LDLRAD3: variants seen among roughly 807,000 people sequenced by gnomAD.
LDLRAD3 encodes the protein low density lipoprotein receptor class A domain containing 3.
Under a neutral mutation model 29.4 loss-of-function variants are expected in LDLRAD3, and 20 were observed. The ratio of observed to expected loss-of-function variants is 0.68; its 90% CI spans 0.48 to 0.99. LDLRAD3 has a LOEUF of 0.99. LDLRAD3 is among the 50% of genes least tolerant of loss of function. The pLI is 0.00. For synonymous variants in LDLRAD3, 157 were observed against 192.7 expected, an observed-to-expected ratio of 0.81 and a Z score of 1.53; for missense variants, 420 against 454.3, an observed-to-expected ratio of 0.92 and a Z score of 0.69.
chr11:35,958,992 G>T (rs1198336564), intron 1 of LDLRAD3, among the ~76,000 whole-genome samples: 3 of 152,142 alleles, frequency 2.0e-5, no homozygotes, highest in Non-Finnish European at 4.4e-5. Flanking sequence ...AGCAGCATTG[G>T]GCCTCCAGGC....
chr11:36,092,816 T>G (rs1057301434), intron 3 of LDLRAD3, among the ~76,000 whole-genome samples: 1 of 152,218 alleles, frequency 6.6e-6, no homozygotes, highest in Non-Finnish European at 1.5e-5. Flanking sequence ...GCCTTTTCCT[T>G]GAGGAAGCTC....
chr11:35,984,562 T>C (rs904743539), intron 1 of LDLRAD3, among the ~76,000 whole-genome samples: 6 of 152,226 alleles, frequency 3.9e-5, no homozygotes, highest in Non-Finnish European at 7.3e-5. Context: ...TTTGGTTCTG[T>C]GTCCCTTCAC....
chr11:36,091,873 A>C (rs928664427), intron 3 of LDLRAD3, among the ~76,000 whole-genome samples: 2 of 152,206 alleles, frequency 1.3e-5, no homozygotes, highest in African/African-American at 2.4e-5. Context: ...TACTATTTCC[A>C]GGGTCCTGGA....
chr11:36,048,982 G>A (rs1377234343), intron 2 of LDLRAD3, among the ~76,000 whole-genome samples: 1 of 152,130 alleles, frequency 6.6e-6, no homozygotes, highest in Admixed American at 6.6e-5. Flanking sequence ...AGCACTGTGT[G>A]CTGCCTTTTC....
At chr11:35,991,171 A>C (rs1430720706) in intron 1 of LDLRAD3, among the ~76,000 whole-genome samples, 13 of 152,222 alleles carry the variant, frequency 8.5e-5, no homozygotes, top group Admixed American at 7.2e-4. Flanking sequence ...GTTGCGTATA[A>C]GAGCCCCCAT....
chr11:36,113,080 A>T (rs754308687), intron 4 of LDLRAD3, among the ~76,000 whole-genome samples: 12 of 152,202 alleles, frequency 7.9e-5, no homozygotes, highest in Non-Finnish European at 4.4e-5. Flanking sequence ...AGATATGTGC[A>T]CATCTTTTGA....
intron 3 of LDLRAD3, among the ~76,000 whole-genome samples, 188 bp downstream of exon 3, chr11:36,081,966 G>T (rs958896245): frequency 1.3e-5 from 2 of 152,176 alleles, no homozygotes; most frequent in African/African-American, 4.8e-5. Flanking sequence ...TTTATCAGGG[G>T]CTCTACCAAG....
At chr11:36,155,680 C>A (rs1399307928) in intron 4 of LDLRAD3, among the ~76,000 whole-genome samples, 6 of 152,202 alleles carry the variant, frequency 3.9e-5, no homozygotes, top group Non-Finnish European at 8.8e-5. Context: ...AGCACTTAGC[C>A]TAGTTCAAGA....
chr11:35,957,291 A>G (rs925430601), intron 1 of LDLRAD3, among the ~76,000 whole-genome samples: 6 of 152,226 alleles, frequency 3.9e-5, no homozygotes, highest in Non-Finnish European at 8.8e-5. Flanking sequence ...ACACTAATCT[A>G]CGAGTACAAG....
intron 4 of LDLRAD3, chr11:36,196,488 A>G (rs1173115256): frequency 6.6e-6 from 1 of 152,242 alleles, no homozygotes; most frequent in African/African-American, 2.4e-5. Flanking sequence ...CTAACATTAC[A>G]TACGCTAATC....
intron 2 of LDLRAD3, among the ~76,000 whole-genome samples, chr11:36,075,824 T>C (rs1391356447): frequency 3.9e-5 from 6 of 152,244 alleles, no homozygotes; most frequent in Non-Finnish European, 8.8e-5. Context: ...TATTTTATTC[T>C]CTGTGTCATA....
intron 4 of LDLRAD3, among the ~76,000 whole-genome samples, chr11:36,226,104 T>A (rs1408433886): frequency 6.8e-6 from 1 of 147,566 alleles, no homozygotes; most frequent in Non-Finnish European, 1.5e-5. Flanking sequence ...TAATGAATCA[T>A]GTACTTGTAT....
chr11:35,967,253 G>T, intron 1 of LDLRAD3: 2 of 203,700 alleles, frequency 9.8e-6, no homozygotes, highest in African/African-American at 2.3e-5. Context: ...GGAGGGCCAG[G>T]GCCAATTTCT....
intron 4 of LDLRAD3, among the ~76,000 whole-genome samples, chr11:36,175,419 C>T (rs763632533): frequency 3.3e-5 from 5 of 152,038 alleles, no homozygotes; most frequent in Non-Finnish European, 7.4e-5. Flanking sequence ...TATTTGTGCT[C>T]TTTCAGACTT....
chr11:36,064,337 T>G (rs1404998746), intron 2 of LDLRAD3, among the ~76,000 whole-genome samples: 1 of 152,180 alleles, frequency 6.6e-6, no homozygotes, highest in Non-Finnish European at 1.5e-5. Flanking sequence ...GATCTCACTC[T>G]GTTGCCCAGG....
At chr11:36,048,628 C>T (rs576336120) in intron 2 of LDLRAD3, among the ~76,000 whole-genome samples, 21 of 152,302 alleles carry the variant, frequency 1.4e-4, no homozygotes, top group African/African-American at 4.3e-4. Flanking sequence ...GTTCTTAGAA[C>T]GTTTGTTTCA....
At chr11:35,949,803 T>A (rs1281800188) in intron 1 of LDLRAD3, among the ~76,000 whole-genome samples, 1 of 152,202 alleles carries the variant, frequency 6.6e-6, no homozygotes, top group Non-Finnish European at 1.5e-5. Context: ...TGGGCATGAA[T>A]TCACAGGATG....
At chr11:36,044,344 G>A (rs1331644116) in intron 2 of LDLRAD3, among the ~76,000 whole-genome samples, 1 of 152,312 alleles carries the variant, frequency 6.6e-6, no homozygotes, top group East Asian at 1.9e-4. Context: ...AGAAGGTGAA[G>A]ATCAGCTCTG....
At chr11:36,089,095 C>T (rs1853238834) in intron 3 of LDLRAD3, among the ~76,000 whole-genome samples, 1 of 152,210 alleles carries the variant, frequency 6.6e-6, no homozygotes, top group South Asian at 2.1e-4. Context: ...CAAACATATA[C>T]TGAATAAATG....
Sources: allele counts gnomAD v4.1 joint callset (sites outside exome capture counted in the v4.1 genomes callset), GRCh38; gene constraint gnomAD v4.1.1; transcripts MANE v1.5; gene names NCBI Gene and HGNC (gene_info 2026-07-23, HGNC 2026-07-21).